ZNF746: variants seen among roughly 807,000 people sequenced by gnomAD.
ZNF746 encodes the protein parkin-interacting substrate.
Under a neutral mutation model 41.0 loss-of-function variants are expected in ZNF746, and 13 were observed. The observed-to-expected ratio is 0.32, with a 90% CI of 0.21 to 0.50. ZNF746 has a LOEUF of 0.50. Ranked by LOEUF, ZNF746 falls within the 20% of genes least tolerant of loss-of-function variation. The probability of loss-of-function intolerance (pLI) is 0.98; values close to 1 mark genes in which losing one functional copy is unlikely to be tolerated. For synonymous variants in ZNF746, 424 were observed against 396.2 expected (o/e 1.07, Z -0.83); for missense variants, 811 against 922.9 (o/e 0.88, Z 1.57).
At chr7:149,480,417 CTGT>C (rs1181213601) in intron 4 of ZNF746, among the ~76,000 whole-genome samples, 9 of 148,162 alleles carry the variant, frequency 6.1e-5, no homozygotes, top group Admixed American at 6.0e-4. Flanking sequence ...GAAAAAATAA[CTGT>C]TGTTTTGTTT....
intron 4 of ZNF746, among the ~76,000 whole-genome samples, chr7:149,484,593 T>G (rs1242003067): frequency 2.6e-5 from 4 of 152,164 alleles, no homozygotes; most frequent in African/African-American, 9.6e-5. Context: ...AGTTAAAAAG[T>G]GTCCTCTTTA....
In ZNF746 at chr7:149,475,100, T is replaced by G. The variant is rs958084329; in HGVS notation, c.1267A>C (p.Asn423His). Residue 423 changes from asparagine to histidine, a missense_variant, in exon 7 of 7, where the codon AAC becomes CAC. This residue lies in a region of ZNF746 where 495 missense variants were observed against 481.6 expected (regional missense o/e 1.03). Coordinates refer to ENST00000458143, the MANE Select transcript of ZNF746 (RefSeq NM_001394198.1). ...PEGLPYSSPD[N>H]GEAILDPSQA... is the part of the protein sequence containing the mutation. ...CTGGGGTCCAAGATGGCCTCTCCGT[T>G]GTCCGGGGAGGAGTAAGGAAGCCCC... 10 of 1,607,970 alleles carry G rather than the reference T, an allele frequency of 6.2e-6. No individual in the cohort carries two copies. The African/African-American group carries it at 1.2e-4, about 19-fold the overall frequency.
chr7:149,484,792 T>C lies in ZNF746; in HGVS notation c.566-7037A>G, dbSNP rs1301930272. Among the ~76,000 whole-genome samples the C allele has an allele frequency of 6.1e-4, 93 of 152,150 alleles. 1 individual carries two copies. Among genetic ancestry groups the C allele is most frequent in the Non-Finnish European group, 1.5e-5 (1 of 68,016 alleles). On this transcript the variant is annotated intron_variant, in intron 4 of 6. Coordinates refer to ENST00000458143, the MANE Select transcript of ZNF746 (RefSeq NM_001394198.1). ...ATTAGACAATTAATAGAAAGGTTATTAGCATTAATGAAAATTTTAGTAGGG... is the reference window on the plus strand; with the variant it reads ...ATTAGACAATTAATAGAAAGGTTATCAGCATTAATGAAAATTTTAGTAGGG...
rs145793561 is a variant in ZNF746 at position 149,477,649 on chromosome 7, G to A, written c.672C>T (p.Ala224=). ...QQALGVEAWA[A]GQPDIGEEPW... ...GCTCCTCCCCAATATCTGGCTGCCC[G>A]GCTGCCCACGCCTCCACGCCCAGGG... The change falls in exon 5 of 7, where the codon GCC becomes GCT. Residue 224 remains alanine, a synonymous_variant. Coordinates refer to ENST00000458143, the MANE Select transcript of ZNF746 (RefSeq NM_001394198.1). The A allele has an allele frequency of 2.2e-3, 3,548 of 1,614,012 alleles. 10 individuals carry two copies. The highest frequency in any genetic ancestry group is 2.7e-3 in the Non-Finnish European group (3,233 of 1,179,956).
At chr7:149,491,527 G>A (rs2116486203) in intron 4 of ZNF746, 1 of 287,794 alleles carries the variant, frequency 3.5e-6, no homozygotes, top group South Asian at 4.4e-5. Context: ...GTTCAGCACT[G>A]TCCTTGACGC....
At chr7:149,478,214 C>T (rs146566629) in intron 4 of ZNF746, among the ~76,000 whole-genome samples, 1 of 152,056 alleles carries the variant, frequency 6.6e-6, no homozygotes, top group East Asian at 1.9e-4. Context: ...CAGTGGAAGG[C>T]AAGTGACCTA....
intron 4 of ZNF746, chr7:149,491,666 G>A (rs1376281962): frequency 1.1e-4 from 61 of 557,146 alleles, no homozygotes; most frequent in African/African-American, 3.2e-4. Flanking sequence ...ATGAGATGAC[G>A]AACATGGGGG....
chr7:149,491,971 C>G, intron 4 of ZNF746: 1 of 702,944 alleles, frequency 1.4e-6, no homozygotes, highest in South Asian at 1.5e-5. Context: ...CAAGATTCAC[C>G]TTAAATAAAT....
chr7:149,472,895 T>C lies in ZNF746; in HGVS notation c.*1489A>G, dbSNP rs901315305. ...GTGTAAACAGGTACAAAATATACAGTACATAGAAACAATTTTCTTAACTAG... is the reference window on the plus strand; with the variant it reads ...GTGTAAACAGGTACAAAATATACAGCACATAGAAACAATTTTCTTAACTAG... On this transcript the variant is annotated 3_prime_UTR_variant, in exon 7 of 7. Transcript: ENST00000458143. 16 of 152,582 alleles carry C rather than the reference T, an allele frequency of 1.0e-4. No individual in the cohort carries two copies. The highest frequency in any genetic ancestry group is 5.2e-4 in the Admixed American group (8 of 15,272). 9.5% of individuals were successfully genotyped at this position (152,582 alleles called of 1,614,324 possible).
At chr7:149,492,026 C>A (rs1312887269) in intron 4 of ZNF746, 1 of 701,950 alleles carries the variant, frequency 1.4e-6, no homozygotes, top group Non-Finnish European at 2.6e-6. Context: ...CCAATGTAGA[C>A]CAAAGTAGCT....
intron 4 of ZNF746, among the ~76,000 whole-genome samples, chr7:149,480,142 A>G (rs1244204827): frequency 6.6e-6 from 1 of 152,222 alleles, no homozygotes; most frequent in Non-Finnish European, 1.5e-5. Context: ...TCAGGAGGAA[A>G]GCATTTTAAA....
Position 149,494,097 on chromosome 7 carries a change from C to T in ZNF746, c.343G>A (p.Asp115Asn), listed in dbSNP as rs960507264. Residue 115 changes from aspartate to asparagine, a missense_variant, in exon 3 of 7, where the codon GAT becomes AAT. Physicochemically the swap from Asp to Asn is conservative, Grantham distance 23. This residue lies in a region of ZNF746 where 147 missense variants were observed against 233.4 expected (regional missense o/e 0.63). Coordinates refer to ENST00000458143, the MANE Select transcript of ZNF746 (RefSeq NM_001394198.1). The surrounding 1 kb of genome is among the most constrained non-coding windows in gnomAD (Gnocchi z 5.6). ...TGCTCGGAGAAATACACGGCCACAT[C>T]ATCAAAGGTCACGGGCACCTGGAAC... ...ESPKVPVTFD[D>N]VAVYFSEQEW... is the part of the protein sequence containing the mutation. The T allele has an allele frequency of 1.2e-6, 2 of 1,614,068 alleles. No individual in the cohort carries two copies. The highest frequency in any genetic ancestry group is 1.7e-6 in the Non-Finnish European group (2 of 1,180,046).
At chr7:149,488,121 G>A (rs1269170051) in intron 4 of ZNF746, 1 of 152,190 alleles carries the variant, frequency 6.6e-6, no homozygotes, top group African/African-American at 2.4e-5. Context: ...GCTCAGGACA[G>A]AATCGCATCA....
intron 4 of ZNF746, among the ~76,000 whole-genome samples, chr7:149,481,974 T>A (rs1800496724): frequency 6.6e-6 from 1 of 152,164 alleles, no homozygotes; most frequent in Non-Finnish European, 1.5e-5. Flanking sequence ...GTTAAAAAAG[T>A]AAGAACAGGT....
At chr7:149,478,906 C>T (rs1194740921) in intron 4 of ZNF746, among the ~76,000 whole-genome samples, 3 of 152,156 alleles carry the variant, frequency 2.0e-5, no homozygotes, top group East Asian at 1.9e-4. Context: ...TCTGGCTCAA[C>T]AACAACAGAC....
rs779035036 is a variant in ZNF746, at chr7:149,475,047, G to A, written c.1320C>T (p.Pro440=). The change falls in exon 7 of 7, where the codon CCC becomes CCT. Residue 440 remains proline (P), a synonymous_variant. Coordinates refer to ENST00000458143, the MANE Select transcript of ZNF746 (RefSeq NM_001394198.1). ...CTTTGGTCCGGCCAGGGTATTTACAGGGTTCGTTGAATGGCCTTGGGGCCT... is the reference window on the plus strand; with the variant it reads ...CTTTGGTCCGGCCAGGGTATTTACAAGGTTCGTTGAATGGCCTTGGGGCCT... ...PSQAPRPFNE[P]CKYPGRTKGF... 9 of 1,574,452 alleles carry A rather than the reference G, an allele frequency of 5.7e-6. No homozygotes were observed. Among genetic ancestry groups the A allele is most frequent in the Non-Finnish European group, 7.8e-6 (9 of 1,160,532 alleles).
intron 4 of ZNF746, among the ~76,000 whole-genome samples, chr7:149,487,032 G>A (rs1051520735): frequency 7.9e-5 from 12 of 152,196 alleles, no homozygotes; most frequent in African/African-American, 2.2e-4. Flanking sequence ...ACTCCCTGTC[G>A]CTGGCATTAC....
Position 149,474,855 on chromosome 7 carries a change from G to T in ZNF746, c.1512C>A (p.Gly504=). 1 of 1,453,958 alleles carries T rather than the reference G, an allele frequency of 6.9e-7. No individual in the cohort carries two copies. 90.1% of individuals were successfully genotyped at this position (1,453,958 alleles called of 1,614,324 possible). Residue 504 remains glycine, a synonymous_variant, in exon 7 of 7, where the codon GGC becomes GGA. Transcript: ENST00000458143. The surrounding 1 kb of genome is among the most constrained non-coding windows in gnomAD (Gnocchi z 6.3). ...PDGSGPGTGG[G]GSGSGGGGGG... is the part of the protein sequence containing the mutation. ...CACCGCCGCCGCCACTGCCGCTGCC[G>T]CCACCGCCTGTGCCCGGGCCCGACC...
intron 1 of ZNF746, among the ~76,000 whole-genome samples, chr7:149,495,009 A>C (rs1256429402): frequency 1.3e-5 from 2 of 152,174 alleles, no homozygotes; most frequent in Non-Finnish European, 2.9e-5. Context: ...CAGCTGGTTC[A>C]CTGAAACGGC....
Sources: gnomAD v4.1 joint callset for allele counts (sites outside exome capture counted in the v4.1 genomes callset) on GRCh38, gnomAD v4.1.1 for gene constraint, gnomAD v4.1.1 regional missense constraint, Gnocchi (gnomAD v3.1) non-coding constraint, MANE v1.5 for transcripts, NCBI Gene and HGNC (gene_info 2026-07-23, HGNC 2026-07-21) for gene names.